SPTLC2: variants seen among roughly 807,000 people sequenced by gnomAD.
SPTLC2 encodes the protein serine palmitoyltransferase long chain base subunit 2.
In SPTLC2, 21 loss-of-function variants were observed where a neutral mutation model predicts 62.0. The ratio of observed to expected loss-of-function variants is 0.34; its 90% CI spans 0.24 to 0.49. The LOEUF (loss-of-function observed/expected upper bound fraction) is 0.49. Among genes scored for constraint, SPTLC2 ranks in the 20% least tolerant of loss-of-function variants. SPTLC2 has a pLI of 0.99. For synonymous variants in SPTLC2, 261 were observed against 261.8 expected, an observed-to-expected ratio of 1.00 and a Z score of 0.03; for missense variants, 511 against 713.0, an observed-to-expected ratio of 0.72 and a Z score of 3.23.
At chr14:77,576,627 A>T in intron 4 of SPTLC2, 140 bp downstream of exon 4, 4 of 1,226,800 alleles carry the variant, frequency 3.3e-6, no homozygotes, top group Admixed American at 2.0e-5. Flanking sequence ...CACACTTCAG[A>T]AAAACAAAGC....
chr14:77,596,015 T>A (rs1035467606), intron 2 of SPTLC2, among the ~76,000 whole-genome samples: 1 of 152,000 alleles, frequency 6.6e-6, no homozygotes, highest in African/African-American at 2.4e-5. Flanking sequence ...ACTCCAGAAG[T>A]GAGCTTCAAG....
In SPTLC2 at chr14:77,524,177, C is replaced by T. The variant is rs144115620; in HGVS notation, c.1304-2596G>A. Among the ~76,000 whole-genome samples the T allele has an allele frequency of 3.2e-3, 482 of 152,232 alleles. 5 individuals are homozygous for T. Among genetic ancestry groups the T allele is most frequent in the African/African-American group, 0.011 (469 of 41,548 alleles). On this transcript the variant is annotated intron_variant, in intron 9 of 11. Coordinates refer to ENST00000216484, the MANE Select transcript of SPTLC2 (RefSeq NM_004863.4). ...TTGAAATAAGCCAGACATGAGACTGCACACTGTATGAATTCGTTTGTATGA... is the reference window on the plus strand; with the variant it reads ...TTGAAATAAGCCAGACATGAGACTGTACACTGTATGAATTCGTTTGTATGA...
At chr14:77,595,922 T>C (rs922367447) in intron 2 of SPTLC2, among the ~76,000 whole-genome samples, 1 of 152,170 alleles carries the variant, frequency 6.6e-6, no homozygotes, top group Non-Finnish European at 1.5e-5. Flanking sequence ...CACAGGTTTG[T>C]TTTATTTTTA....
At chr14:77,524,828 C>T (rs897621578) in intron 9 of SPTLC2, among the ~76,000 whole-genome samples, 1 of 152,068 alleles carries the variant, frequency 6.6e-6, no homozygotes, top group South Asian at 2.1e-4. Flanking sequence ...GAGAGTAGAA[C>T]AGTGGTTACC....
At chr14:77,544,096 T>C (rs1259922582) in intron 9 of SPTLC2, among the ~76,000 whole-genome samples, 1 of 152,166 alleles carries the variant, frequency 6.6e-6, no homozygotes. Flanking sequence ...GGTGTGATCA[T>C]AGCTGGGTTT....
chr14:77,566,751 C>T (rs1414451766), intron 5 of SPTLC2, among the ~76,000 whole-genome samples: 1 of 152,086 alleles, frequency 6.6e-6, no homozygotes. Flanking sequence ...TGAGCCACCG[C>T]GCCCGGCCAC....
At position 77,514,094 on chromosome 14, in the gene SPTLC2, G is replaced by A. The variant is rs114900790; in HGVS notation, c.1570-1691C>T. On this transcript the variant is annotated intron_variant, in intron 11 of 11. Coordinates refer to ENST00000216484, the MANE Select transcript of SPTLC2 (RefSeq NM_004863.4). The stretch of plus-strand genomic sequence containing the variant: ...GCTATGCTGGAGGCTGAGGTGGGAC[G>A]ATCCCTTGAGGCTGGGAGATGGAGG... 8.7e-3 allele frequency among the ~76,000 whole-genome samples: 1,315 copies of A among 151,820 alleles called. 14 individuals carry two copies. Among genetic ancestry groups the A allele is most frequent in the African/African-American group, 0.029 (1,220 of 41,396 alleles).
chr14:77,514,268 A>G (rs186539874), intron 11 of SPTLC2, among the ~76,000 whole-genome samples: 10 of 152,354 alleles, frequency 6.6e-5, no homozygotes, highest in Admixed American at 5.2e-4. Context: ...GAATTTTTTC[A>G]TCAATGTAGA....
intron 9 of SPTLC2, among the ~76,000 whole-genome samples, chr14:77,533,300 C>CAAAAAAAAAAAAA (rs35192294): frequency 1.0e-5 from 1 of 98,498 alleles, no homozygotes; most frequent in Non-Finnish European, 2.1e-5. Context: ...AACTCCGTTG[C>CAAAAAAAAAAAAA]AAAAAAAAAA....
intron 8 of SPTLC2, among the ~76,000 whole-genome samples, chr14:77,552,543 T>G (rs915166548): frequency 1.3e-5 from 2 of 152,134 alleles, no homozygotes; most frequent in Admixed American, 6.5e-5. Flanking sequence ...TGGTGGCTCA[T>G]GCCTGTAATC....
At chr14:77,516,834 G>C (rs1288736924) in intron 11 of SPTLC2, among the ~76,000 whole-genome samples, 1 of 152,182 alleles carries the variant, frequency 6.6e-6, no homozygotes, top group East Asian at 1.9e-4. Flanking sequence ...TATACTCATA[G>C]AAATTTTGCT....
chr14:77,532,216 G>C (rs2079444289), intron 9 of SPTLC2, among the ~76,000 whole-genome samples: 1 of 152,150 alleles, frequency 6.6e-6, no homozygotes, highest in Non-Finnish European at 1.5e-5. Context: ...GTAAGTGTTA[G>C]GAAAACAGCA....
chr14:77,600,572 C>T (rs1474190044), intron 1 of SPTLC2, among the ~76,000 whole-genome samples: 1 of 152,154 alleles, frequency 6.6e-6, no homozygotes, highest in Non-Finnish European at 1.5e-5. Flanking sequence ...CATTATTGCA[C>T]GTCTAGCACC....
At chr14:77,524,700 G>C (rs1407591224) in intron 9 of SPTLC2, among the ~76,000 whole-genome samples, 4 of 152,216 alleles carry the variant, frequency 2.6e-5, no homozygotes, top group African/African-American at 9.6e-5. Flanking sequence ...GCTGTCATTT[G>C]CACAAGATGG....
chr14:77,511,373 G>C lies in SPTLC2; in HGVS notation c.*911C>G, dbSNP rs2079331314. 6.6e-6 allele frequency: 1 copy of C among 152,288 alleles called. No homozygotes were observed. Among genetic ancestry groups the C allele is most frequent in the Non-Finnish European group, 1.5e-5 (1 of 68,110 alleles). The allele number at this position is 152,288 out of a possible 1,614,324, so 9.4% of individuals were successfully genotyped here. On this transcript the variant is annotated 3_prime_UTR_variant, in exon 12 of 12. Coordinates refer to ENST00000216484, the MANE Select transcript of SPTLC2 (RefSeq NM_004863.4). ...GTAGGAAATGCAAGCCACAGGCTCT[G>C]CAAGGAGTAATCAATTCTTTGCACA... is the stretch of plus-strand genomic sequence containing the variant.
intron 2 of SPTLC2, among the ~76,000 whole-genome samples, chr14:77,587,241 G>T (rs201999305): frequency 2.7e-5 from 4 of 148,156 alleles, no homozygotes; most frequent in African/African-American, 9.9e-5. Context: ...AAAAAAAAAA[G>T]AATTCTCAAA....
chr14:77,577,792 C>T (rs1034980164), intron 3 of SPTLC2, among the ~76,000 whole-genome samples: 4 of 151,930 alleles, frequency 2.6e-5, no homozygotes, highest in East Asian at 2.0e-4. Flanking sequence ...CCCAGCTACT[C>T]GGGAGGCTGA....
At chr14:77,551,466 A>C (rs984769997) in intron 9 of SPTLC2, among the ~76,000 whole-genome samples, 2 of 152,084 alleles carry the variant, frequency 1.3e-5, no homozygotes, top group South Asian at 4.1e-4. Flanking sequence ...TTTTTAAAGT[A>C]AAGACAGACA....
chr14:77,536,684 T>G (rs1410070823), intron 9 of SPTLC2, among the ~76,000 whole-genome samples: 40 of 152,056 alleles, frequency 2.6e-4, no homozygotes, highest in Admixed American at 2.6e-3. Flanking sequence ...GCCACACTTT[T>G]CTATGTAAAC....
Sources: gnomAD v4.1 joint callset for allele counts (sites outside exome capture counted in the v4.1 genomes callset) on GRCh38, gnomAD v4.1.1 for gene constraint, MANE v1.5 for transcripts, NCBI Gene and HGNC (gene_info 2026-07-23, HGNC 2026-07-21) for gene names.